TAF4: variants seen among roughly 807,000 people sequenced by gnomAD.
The protein encoded by TAF4 is transcription initiation factor TFIID subunit 4.
TAF4 carries 9 observed loss-of-function variants against 90.3 expected under a neutral mutation model. The ratio of observed to expected loss-of-function variants is 0.10; its 90% CI spans 0.06 to 0.17. TAF4 has a LOEUF of 0.17. Ranked by LOEUF, TAF4 falls within the 10% of genes least tolerant of loss-of-function variation. TAF4 has a pLI of 1.00. For missense variants in TAF4, 1,351 were observed against 1,370.7 expected (o/e 0.99, Z 0.23); for synonymous variants, 818 against 638.9 (o/e 1.28, Z -4.23).
At chr20:61,987,252 C>T (rs2055598504) in intron 14 of TAF4, among the ~76,000 whole-genome samples, 1 of 152,114 alleles carries the variant, frequency 6.6e-6, no homozygotes, top group Non-Finnish European at 1.5e-5. Flanking sequence ...AGGACCAGAG[C>T]TCTCCAGCAC....
At chr20:62,004,106 C>T (rs531614714) in intron 7 of TAF4, among the ~76,000 whole-genome samples, 1 of 152,262 alleles carries the variant, frequency 6.6e-6, no homozygotes, top group African/African-American at 2.4e-5. Context: ...CCCGTGTGAG[C>T]ACAGAAGGGG....
intron 14 of TAF4, among the ~76,000 whole-genome samples, chr20:61,992,312 C>T (rs1319216021): frequency 2.6e-5 from 4 of 152,200 alleles, no homozygotes; most frequent in Admixed American, 1.3e-4. Flanking sequence ...GAACAACTTT[C>T]GGCTGTTTTC....
At chr20:62,061,648 G>A (rs2056089260) in intron 1 of TAF4, among the ~76,000 whole-genome samples, 1 of 152,150 alleles carries the variant, frequency 6.6e-6, no homozygotes, top group Non-Finnish European at 1.5e-5. Flanking sequence ...TCTTCTTTCA[G>A]CTGTAATCAC....
chr20:61,995,217 C>T (rs1035797508), intron 14 of TAF4, among the ~76,000 whole-genome samples: 6 of 152,066 alleles, frequency 3.9e-5, no homozygotes, highest in African/African-American at 1.4e-4. Flanking sequence ...AAACAGCAGT[C>T]GAGAGAAACT....
intron 1 of TAF4, among the ~76,000 whole-genome samples, chr20:62,031,617 G>A (rs1568937264): frequency 1.3e-5 from 2 of 152,082 alleles, no homozygotes; most frequent in Non-Finnish European, 2.9e-5. Flanking sequence ...TACTCCACTA[G>A]CAGCTGAACA....
At position 62,014,042 on chromosome 20, in the gene TAF4, GTGTA is replaced by G. The variant is rs763106222; in HGVS notation, c.1521+501_1521+504del. On this transcript the variant is annotated intron_variant, in intron 2 of 14. Coordinates refer to ENST00000252996, the MANE Select transcript of TAF4 (RefSeq NM_003185.4). ...TGGGTGTGTGTGTGTGTGTGTGTGTGTGTATGTGTGTGTGTGTGTGTGTCCCTCT... is the reference window on the plus strand; with the variant it reads ...TGGGTGTGTGTGTGTGTGTGTGTGTGTGTGTGTGTGTGTGTGTGTCCCTCT... Among the ~76,000 whole-genome samples the G allele has an allele frequency of 4.7e-3, 609 of 130,314 alleles. 6 individuals are homozygous for G. The highest frequency in any genetic ancestry group is 0.015 in the Middle Eastern group (4 of 270). The allele number at this position is 130,314 out of a possible 152,430, so 85.5% of individuals were successfully genotyped here.
chr20:61,984,043 C>T (rs777260374), intron 14 of TAF4, among the ~76,000 whole-genome samples: 50 of 152,304 alleles, frequency 3.3e-4, no homozygotes, highest in Middle Eastern at 3.4e-3. Flanking sequence ...GGAGATGCGA[C>T]GAGACAGAAA....
chr20:62,026,116 C>A (rs1451437358), intron 1 of TAF4, among the ~76,000 whole-genome samples: 1 of 152,214 alleles, frequency 6.6e-6, no homozygotes, highest in Non-Finnish European at 1.5e-5. Context: ...CTCCCAACGT[C>A]CTTCCCGAGT....
chr20:61,992,148 C>T (rs1749878445), intron 14 of TAF4, among the ~76,000 whole-genome samples: 1 of 152,130 alleles, frequency 6.6e-6, no homozygotes, highest in Non-Finnish European at 1.5e-5. Context: ...AGAGACACAA[C>T]ATAAAGACGA....
chr20:62,060,515 G>C (rs748285331), intron 1 of TAF4, among the ~76,000 whole-genome samples: 1 of 152,198 alleles, frequency 6.6e-6, no homozygotes, highest in African/African-American at 2.4e-5. Flanking sequence ...TGTTCATCCC[G>C]AAGGCGATGG....
intron 1 of TAF4, among the ~76,000 whole-genome samples, chr20:62,024,864 C>T (rs999206070): frequency 2.7e-5 from 4 of 150,830 alleles, no homozygotes; most frequent in Non-Finnish European, 4.4e-5. Flanking sequence ...TGAGAGACTC[C>T]GCGTCTCAAA....
intron 1 of TAF4, among the ~76,000 whole-genome samples, chr20:62,028,154 T>C (rs2145490628): frequency 6.6e-6 from 1 of 152,290 alleles, no homozygotes; most frequent in South Asian, 2.1e-4. Context: ...TCTGGGATGC[T>C]GGAGGTGCTA....
At chr20:62,051,597 C>A (rs966029416) in intron 1 of TAF4, among the ~76,000 whole-genome samples, 1 of 152,110 alleles carries the variant, frequency 6.6e-6, no homozygotes, top group Non-Finnish European at 1.5e-5. Flanking sequence ...CCTGTTTTCC[C>A]ACCACCAAGA....
At chr20:61,986,443 T>C (rs374773231) in intron 14 of TAF4, among the ~76,000 whole-genome samples, 27 of 117,710 alleles carry the variant, frequency 2.3e-4, no homozygotes, top group African/African-American at 2.9e-4. Context: ...CCATCCCCAA[T>C]CAAAGGAAAC....
intron 1 of TAF4, among the ~76,000 whole-genome samples, chr20:62,056,262 C>T (rs1042247664): frequency 6.6e-6 from 1 of 152,084 alleles, no homozygotes; most frequent in Non-Finnish European, 1.5e-5. Context: ...AACAAGAACG[C>T]GCTTATACAA....
chr20:62,054,748 T>C (rs937499723), intron 1 of TAF4, among the ~76,000 whole-genome samples: 1 of 152,114 alleles, frequency 6.6e-6, no homozygotes, highest in Non-Finnish European at 1.5e-5. Flanking sequence ...TGCCGGCACC[T>C]GCAGGGCAGC....
At chr20:62,061,515 G>C (rs1355856275) in intron 1 of TAF4, among the ~76,000 whole-genome samples, 1 of 152,218 alleles carries the variant, frequency 6.6e-6, no homozygotes, top group Non-Finnish European at 1.5e-5. Context: ...ATACACTGAA[G>C]AAAATGTGAA....
At chr20:62,044,522 T>C (rs1020067826) in intron 1 of TAF4, among the ~76,000 whole-genome samples, 2 of 152,210 alleles carry the variant, frequency 1.3e-5, no homozygotes, top group Non-Finnish European at 2.9e-5. Context: ...CAGTGGAGTT[T>C]TGAACACAGT....
intron 4 of TAF4, 144 bp downstream of exon 4, chr20:62,009,902 G>T: frequency 1.5e-6 from 2 of 1,338,418 alleles, no homozygotes; most frequent in Non-Finnish European, 2.0e-6. Flanking sequence ...ACGTGCTCAC[G>T]TGGGCCCCAG....
Sources: allele counts gnomAD v4.1 joint callset (sites outside exome capture counted in the v4.1 genomes callset), GRCh38; gene constraint gnomAD v4.1.1; transcripts MANE v1.5; gene names NCBI Gene and HGNC (gene_info 2026-07-23, HGNC 2026-07-21).